RTN4IP1: variants seen among roughly 807,000 people sequenced by gnomAD.
The protein encoded by RTN4IP1 is NAD(P)H oxidoreductase RTN4IP1, mitochondrial.
Under a neutral mutation model 46.6 loss-of-function variants are expected in RTN4IP1, and 32 were observed. The observed-to-expected ratio is 0.69, with a 90% CI of 0.52 to 0.92. The LOEUF is 0.92. Ranked by LOEUF, RTN4IP1 falls within the 40% of genes least tolerant of loss-of-function variation. The pLI is 0.00. For synonymous variants in RTN4IP1, 167 were observed against 161.8 expected (o/e 1.03, Z -0.24); for missense variants, 424 against 485.8 (o/e 0.87, Z 1.20).
chr6:106,629,416 C>G lies in RTN4IP1; in HGVS notation c.-395G>C, dbSNP rs1776751703. ...CGCTCGCGATCCAACGCCAGAGAAT[C>G]GAACGCTTGCCGACTGCCGCCGCGA... is the stretch of plus-strand genomic sequence containing the variant. On this transcript the variant is annotated 5_prime_UTR_variant, in exon 1 of 9. Coordinates refer to ENST00000369063, the MANE Select transcript of RTN4IP1 (RefSeq NM_032730.5). 3.4e-6 allele frequency: 2 copies of G among 580,392 alleles called. No homozygotes were observed. Among genetic ancestry groups the G allele is most frequent in the Admixed American group, 3.1e-5 (1 of 32,374 alleles). 36.0% of individuals were successfully genotyped at this position (580,392 alleles called of 1,614,324 possible). A position where few individuals can be genotyped will look rare whatever the true frequency, so the allele number is the denominator to read the frequency against.
Position 106,629,384 on chromosome 6 carries a change from C to A in RTN4IP1, c.-363G>T. 1.8e-6 allele frequency: 1 copy of A among 568,126 alleles called. No homozygotes were observed. The highest frequency in any genetic ancestry group is 3.1e-6 in the Non-Finnish European group (1 of 320,414). The allele number at this position is 568,126 out of a possible 1,614,324, so 35.2% of individuals were successfully genotyped here. On this transcript the variant is annotated 5_prime_UTR_variant, in exon 1 of 9. Coordinates refer to ENST00000369063, the MANE Select transcript of RTN4IP1 (RefSeq NM_032730.5). The stretch of plus-strand genomic sequence containing the variant: ...TCCTGGGAGCCCTCGGCGGGACAAG[C>A]AGACACCGCTCGCGATCCAACGCCA...
chr6:106,584,460 C>G (rs993899236), intron 7 of RTN4IP1, among the ~76,000 whole-genome samples: 1 of 152,208 alleles, frequency 6.6e-6, no homozygotes, highest in African/African-American at 2.4e-5. Context: ...AGCTTACACT[C>G]AGTATGATAT....
intron 6 of RTN4IP1, among the ~76,000 whole-genome samples, chr6:106,589,177 AGG>A (rs1775564333): frequency 1.5e-4 from 3 of 19,560 alleles, no homozygotes; most frequent in East Asian, 1.5e-3. Flanking sequence ...GCGGTGGAGG[AGG>A]AGGAGGAGGG....
chr6:106,629,824 C>G (rs923077106), upstream of RTN4IP1: 1 of 1,234,104 alleles, frequency 8.1e-7, no homozygotes, highest in Non-Finnish European at 1.2e-6. Flanking sequence ...TCCTCTAGAA[C>G]TGAGTGGGGG....
At chr6:106,590,229 A>G (rs919346820) in intron 6 of RTN4IP1, among the ~76,000 whole-genome samples, 1 of 152,184 alleles carries the variant, frequency 6.6e-6, no homozygotes, top group African/African-American at 2.4e-5. Context: ...CTGAGGCACA[A>G]GAATCACTTG....
At chr6:106,630,063 T>C (rs1297740107), upstream of RTN4IP1, among the ~76,000 whole-genome samples, 9 of 152,078 alleles carry the variant, frequency 5.9e-5, no homozygotes. Flanking sequence ...TTAGCTGCAG[T>C]TGTCGCTAAG....
rs761463573 is a variant in RTN4IP1, at chr6:106,587,717, A to G, written c.952T>C (p.Leu318=). The G allele has an allele frequency of 4.3e-6, 7 of 1,613,346 alleles. No individual in the cohort carries two copies. In the Admixed American group the frequency reaches 1.2e-4, roughly 27 times the overall value. The part of the protein sequence containing the change: ...MDRLGIADGM[L]QTGVTVGSKA... ...GAACCTACAGTGACTCCTGTCTGCA[A>G]CATGCCATCTGCTATGCCCAATCGG... Residue 318 remains leucine, a synonymous_variant, in exon 7 of 9, where the codon TTG becomes CTG. Coordinates refer to ENST00000369063, the MANE Select transcript of RTN4IP1 (RefSeq NM_032730.5).
intron 4 of RTN4IP1, among the ~76,000 whole-genome samples, chr6:106,614,868 T>G (rs912815797): frequency 6.6e-6 from 1 of 152,190 alleles, no homozygotes; most frequent in African/African-American, 2.4e-5. Context: ...CCTCACGAGA[T>G]AGTTAACCTA....
At chr6:106,627,533 T>A (rs940302992) in intron 1 of RTN4IP1, among the ~76,000 whole-genome samples, 1 of 152,052 alleles carries the variant, frequency 6.6e-6, no homozygotes, top group Non-Finnish European at 1.5e-5. Context: ...TGAAAGAACT[T>A]ACAATCAAAG....
chr6:106,630,406 A>G (rs1178471553), upstream of RTN4IP1, among the ~76,000 whole-genome samples: 1 of 152,010 alleles, frequency 6.6e-6, no homozygotes, highest in Non-Finnish European at 1.5e-5. Context: ...CTATTATCTC[A>G]TTTGCCTTTA....
chr6:106,606,361 A>G (rs937858627), intron 4 of RTN4IP1, among the ~76,000 whole-genome samples: 25 of 152,188 alleles, frequency 1.6e-4, no homozygotes, highest in African/African-American at 5.8e-4. Context: ...CGGAGGTTGC[A>G]GTGAGCTAAG....
intron 1 of RTN4IP1, among the ~76,000 whole-genome samples, chr6:106,624,952 G>A (rs200924717): frequency 3.6e-4 from 39 of 106,884 alleles, no homozygotes; most frequent in East Asian, 7.7e-4. Flanking sequence ...AAAAAAAAAA[G>A]AAAAAGAAAA....
At chr6:106,574,559 C>T (rs1775172624) in intron 8 of RTN4IP1, among the ~76,000 whole-genome samples, 1 of 152,172 alleles carries the variant, frequency 6.6e-6, no homozygotes, top group Non-Finnish European at 1.5e-5. Context: ...AAAGGAATCA[C>T]CTGAATGCAT....
At chr6:106,617,917 T>C (rs2114675272) in intron 4 of RTN4IP1, among the ~76,000 whole-genome samples, 1 of 152,302 alleles carries the variant, frequency 6.6e-6, no homozygotes, top group South Asian at 2.1e-4. Context: ...CTAAAAATCT[T>C]CAATAAGGTT....
At chr6:106,612,530 A>G (rs1432400022) in intron 4 of RTN4IP1, among the ~76,000 whole-genome samples, 1 of 152,106 alleles carries the variant, frequency 6.6e-6, no homozygotes, top group Non-Finnish European at 1.5e-5. Context: ...GAGGAACCCT[A>G]GCAATATTTT....
chr6:106,578,159 A>C (rs1053896473), intron 8 of RTN4IP1, among the ~76,000 whole-genome samples: 1 of 152,234 alleles, frequency 6.6e-6, no homozygotes, highest in Non-Finnish European at 1.5e-5. Flanking sequence ...ACAAGATGAC[A>C]GAGTAAAATA....
At chr6:106,590,714 CAAAAAAA>C (rs35293436) in intron 6 of RTN4IP1, among the ~76,000 whole-genome samples, 5 of 68,524 alleles carry the variant, frequency 7.3e-5, no homozygotes, top group African/African-American at 2.3e-4. Flanking sequence ...GAATCCATCT[CAAAAAAA>C]AAAAAAAAAA....
At chr6:106,594,234 G>A (rs1358788221) in intron 5 of RTN4IP1, among the ~76,000 whole-genome samples, 1 of 152,144 alleles carries the variant, frequency 6.6e-6, no homozygotes, top group African/African-American at 2.4e-5. Context: ...TAGACGGGGT[G>A]TGGTGGCTCA....
chr6:106,611,669 A>G (rs1776228653), intron 4 of RTN4IP1, among the ~76,000 whole-genome samples: 1 of 152,210 alleles, frequency 6.6e-6, no homozygotes, highest in Admixed American at 6.5e-5. Flanking sequence ...AGTGAGTGAG[A>G]AACTTAATCT....
Sources: gnomAD v4.1 joint callset for allele counts (sites outside exome capture counted in the v4.1 genomes callset) on GRCh38, gnomAD v4.1.1 for gene constraint, MANE v1.5 for transcripts, NCBI Gene and HGNC (gene_info 2026-07-23, HGNC 2026-07-21) for gene names.